Variants in OSBPL2 observed in about 807,000 individuals in gnomAD.
OSBPL2 encodes oxysterol binding protein like 2.
OSBPL2 carries 18 observed loss-of-function variants against 58.4 expected under a neutral mutation model. That is an observed-to-expected ratio of 0.31 (90% CI 0.21 to 0.46). The LOEUF (loss-of-function observed/expected upper bound fraction) is 0.46, where lower values mean the gene tolerates loss of function less well. Ranked by LOEUF, OSBPL2 falls within the 20% of genes least tolerant of loss-of-function variation. OSBPL2 has a pLI of 1.00. For missense variants in OSBPL2, 461 were observed against 616.5 expected, an observed-to-expected ratio of 0.75 and a Z score of 2.67; for synonymous variants, 221 against 234.1, an observed-to-expected ratio of 0.94 and a Z score of 0.51.
At chr20:62,240,396 C>G (rs984262739) in intron 1 of OSBPL2, among the ~76,000 whole-genome samples, 1 of 152,118 alleles carries the variant, frequency 6.6e-6, no homozygotes, top group Non-Finnish European at 1.5e-5. Flanking sequence ...CCCCAGCAGA[C>G]GATAATATTT....
chr20:62,244,191 G>A (rs1231666785), intron 1 of OSBPL2, among the ~76,000 whole-genome samples: 3 of 152,220 alleles, frequency 2.0e-5, no homozygotes, highest in Admixed American at 6.5e-5. Context: ...TCTCACCTGG[G>A]TCACTCACTT....
chr20:62,288,377 C>A lies in OSBPL2; in HGVS notation c.1126-830C>A, dbSNP rs1983265852. On this transcript the variant is annotated intron_variant, in intron 11 of 13. Coordinates refer to ENST00000313733, the MANE Select transcript of OSBPL2 (RefSeq NM_144498.4). The surrounding 1 kb of genome is among the most constrained non-coding windows in gnomAD (Gnocchi z 4.8). ...GCCAGGGCCCTGAGGGCTGCAGAGG[C>A]CGGAGGCTGTGGGTGCAGAGGCTGG... 6.6e-6 allele frequency among the ~76,000 whole-genome samples: 1 copy of A among 151,684 alleles called. No homozygotes were observed. Among genetic ancestry groups the A allele is most frequent in the Admixed American group, 6.6e-5 (1 of 15,206 alleles).
At chr20:62,258,615 A>G (rs1981091152) in intron 2 of OSBPL2, among the ~76,000 whole-genome samples, 1 of 152,160 alleles carries the variant, frequency 6.6e-6, no homozygotes, top group Non-Finnish European at 1.5e-5. Context: ...TTAGAATGTT[A>G]TTAGGCCATC....
At chr20:62,279,973 C>T in intron 7 of OSBPL2, 2 of 1,303,984 alleles carry the variant, frequency 1.5e-6, no homozygotes, top group Non-Finnish European at 2.0e-6. Flanking sequence ...GCTTGCCACC[C>T]CTCTTCACTC....
At chr20:62,284,008 G>T in intron 9 of OSBPL2, 38 bp from the exon 10 acceptor site, 2 of 1,595,516 alleles carry the variant, frequency 1.3e-6, no homozygotes, top group South Asian at 2.2e-5. Context: ...GGTTTGTAAT[G>T]ACTAAGACTT....
rs1429021165 is a variant in OSBPL2, at chr20:62,284,062, A to G, written c.889A>G (p.Met297Val). 6.2e-7 allele frequency: 1 copy of G among 1,613,478 alleles called. No homozygotes were observed. Among genetic ancestry groups the G allele is most frequent in the South Asian group, 1.1e-5 (1 of 91,052 alleles). Residue 297 changes from methionine (M) to valine (V), a missense_variant, in exon 10 of 14, where the codon ATG becomes GTG. Coordinates refer to ENST00000313733, the MANE Select transcript of OSBPL2 (RefSeq NM_144498.4). ...IQDKNKKKLF[M>V]IYGKWTECLW... ...TAATTACAGCAAAAAGAAGCTCTTT[A>G]TGATCTATGGCAAATGGACGGAATG...
At chr20:62,262,693 G>T (rs1981397615) in intron 3 of OSBPL2, among the ~76,000 whole-genome samples, 1 of 152,202 alleles carries the variant, frequency 6.6e-6, no homozygotes, top group South Asian at 2.1e-4. Context: ...GCATTCCCGG[G>T]GCATAGCTCG....
rs936862683 is a variant in OSBPL2 at position 62,295,603 on chromosome 20, C to T, written c.*1716C>T. 9.9e-5 allele frequency: 15 copies of T among 152,192 alleles called. No individual in the cohort carries two copies. The highest frequency in any genetic ancestry group is 6.5e-4 in the Admixed American group (10 of 15,278). The allele number at this position is 152,192 out of a possible 1,614,324, so 9.4% of individuals were successfully genotyped here. The stretch of plus-strand genomic sequence containing the variant: ...CCACTCAAAAGTGTCTGAACAGAAC[C>T]GCTCCGTGACTGGTAGCTGGGTCTG... On this transcript the variant is annotated 3_prime_UTR_variant, in exon 14 of 14. Coordinates refer to ENST00000313733, the MANE Select transcript of OSBPL2 (RefSeq NM_144498.4). The surrounding 1 kb of genome is among the most constrained non-coding windows in gnomAD (Gnocchi z 4.8).
chr20:62,258,530 G>C (rs1395177533), intron 2 of OSBPL2, among the ~76,000 whole-genome samples: 1 of 152,222 alleles, frequency 6.6e-6, no homozygotes, highest in Non-Finnish European at 1.5e-5. Flanking sequence ...CGAGGGAGCC[G>C]ACGATAGGAG....
intron 1 of OSBPL2, among the ~76,000 whole-genome samples, chr20:62,244,809 C>G (rs1275724173): frequency 6.6e-6 from 1 of 152,276 alleles, no homozygotes; most frequent in Non-Finnish European, 1.5e-5. Context: ...CCACTCCCCA[C>G]AGCTGCTTCT....
chr20:62,282,251 C>T (rs1982843383), intron 9 of OSBPL2, among the ~76,000 whole-genome samples: 1 of 152,114 alleles, frequency 6.6e-6, no homozygotes, highest in Non-Finnish European at 1.5e-5. Flanking sequence ...GCACCCCATG[C>T]ACGTTGTCAG....
chr20:62,264,216 C>T (rs1981521831), intron 4 of OSBPL2, among the ~76,000 whole-genome samples: 1 of 152,180 alleles, frequency 6.6e-6, no homozygotes, highest in Admixed American at 6.5e-5. Flanking sequence ...AGCACCCATC[C>T]AGCCCTGTGG....
intron 1 of OSBPL2, among the ~76,000 whole-genome samples, chr20:62,240,319 G>A (rs1275029001): frequency 1.3e-5 from 2 of 152,308 alleles, no homozygotes; most frequent in African/African-American, 2.4e-5. Flanking sequence ...GTGAGTGAGT[G>A]ACTGAGTCTC....
chr20:62,279,555 C>G (rs557563827), intron 7 of OSBPL2: 32 of 573,246 alleles, frequency 5.6e-5, no homozygotes, highest in African/African-American at 5.4e-4. Flanking sequence ...ATTCGCCCCC[C>G]TTTCGGTCAC....
chr20:62,279,961 C>T (rs1425299439), intron 7 of OSBPL2: 3 of 1,303,814 alleles, frequency 2.3e-6, no homozygotes, highest in East Asian at 5.5e-5. Context: ...CTCTGAGAGG[C>T]TGCTTGCCAC....
At chr20:62,252,311 T>C (rs991233117) in intron 1 of OSBPL2, among the ~76,000 whole-genome samples, 1 of 152,140 alleles carries the variant, frequency 6.6e-6, no homozygotes, top group Non-Finnish European at 1.5e-5. Context: ...ATAATCAAGA[T>C]GGTGAGAAGC....
At chr20:62,271,381 G>A (rs544060009) in intron 4 of OSBPL2, among the ~76,000 whole-genome samples, 81 of 152,318 alleles carry the variant, frequency 5.3e-4, no homozygotes, top group African/African-American at 1.9e-3. Context: ...AGGTGTGTCC[G>A]AGGCATCCTG....
chr20:62,280,195 GTAA>G, intron 7 of OSBPL2: 1 of 1,038,050 alleles, frequency 9.6e-7, no homozygotes, highest in Non-Finnish European at 1.3e-6. Flanking sequence ...ACAGAAATAA[GTAA>G]TAAACGACAC....
intron 10 of OSBPL2, chr20:62,284,439 C>T (rs1039772868): frequency 4.5e-5 from 19 of 424,278 alleles, no homozygotes; most frequent in Non-Finnish European, 7.4e-5. Context: ...TACAGTGGTG[C>T]AGTCATAACT....
Sources: gnomAD v4.1 joint callset for allele counts (sites outside exome capture counted in the v4.1 genomes callset) on GRCh38, gnomAD v4.1.1 for gene constraint, Gnocchi (gnomAD v3.1) non-coding constraint, MANE v1.5 for transcripts, NCBI Gene and HGNC (gene_info 2026-07-23, HGNC 2026-07-21) for gene names.